Variants in COL21A1 observed in about 807,000 individuals in gnomAD.
COL21A1 encodes collagen alpha-1(XXI) chain.
A neutral mutation model predicts 137.9 loss-of-function variants in COL21A1; 149 were observed. The observed-to-expected ratio is 1.08, with a 90% CI of 0.95 to 1.24. The LOEUF (loss-of-function observed/expected upper bound fraction) is 1.24. Ranked by LOEUF, COL21A1 falls within the 50% of genes most tolerant of loss-of-function variation. The probability of loss-of-function intolerance (pLI) is 0.00; values close to 1 mark genes in which losing one functional copy is unlikely to be tolerated. For synonymous variants in COL21A1, 456 were observed against 391.5 expected, an observed-to-expected ratio of 1.16 and a Z score of -1.95; for missense variants, 1,167 against 1,158.4, an observed-to-expected ratio of 1.01 and a Z score of -0.11.
At chr6:56,311,222 T>A (rs1161549398) in intron 1 of COL21A1, among the ~76,000 whole-genome samples, 1 of 152,220 alleles carries the variant, frequency 6.6e-6, no homozygotes, top group Admixed American at 6.5e-5. Flanking sequence ...AAACCAGAGA[T>A]TACAATTCTT....
At chr6:56,201,524 G>T (rs1162171348) in intron 1 of COL21A1, among the ~76,000 whole-genome samples, 1 of 152,056 alleles carries the variant, frequency 6.6e-6, no homozygotes, top group Admixed American at 6.6e-5. Flanking sequence ...TCTACATATG[G>T]CTAGCCAGTT....
At chr6:56,091,837 T>C (rs1768848384) in intron 17 of COL21A1, among the ~76,000 whole-genome samples, 3 of 152,160 alleles carry the variant, frequency 2.0e-5, no homozygotes, top group South Asian at 4.1e-4. Context: ...TGGTCTAACA[T>C]TGAATTCAGT....
intron 29 of COL21A1, among the ~76,000 whole-genome samples, chr6:56,058,460 A>G (rs968320493): frequency 6.6e-6 from 1 of 152,178 alleles, no homozygotes; most frequent in African/African-American, 2.4e-5. Flanking sequence ...TCAAAATAAC[A>G]AAAAATATTC....
intron 22 of COL21A1, among the ~76,000 whole-genome samples, chr6:56,068,396 T>G (rs1270119449): frequency 6.6e-6 from 1 of 151,562 alleles, no homozygotes; most frequent in Non-Finnish European, 1.5e-5. Flanking sequence ...CACACAGGCA[T>G]CAATTGTTGC....
intron 1 of COL21A1, among the ~76,000 whole-genome samples, chr6:56,273,282 GT>G (rs1345752244): frequency 6.6e-6 from 1 of 152,160 alleles, no homozygotes; most frequent in African/African-American, 2.4e-5. Context: ...TCATCGAGAA[GT>G]TAGAAACATC....
At chr6:56,320,153 T>A (rs1391195429) in intron 1 of COL21A1, among the ~76,000 whole-genome samples, 1 of 152,110 alleles carries the variant, frequency 6.6e-6, no homozygotes, top group African/African-American at 2.4e-5. Flanking sequence ...TATATTACAA[T>A]AAATAGCAAC....
At chr6:56,310,536 TCA>T (rs1460527926) in intron 1 of COL21A1, among the ~76,000 whole-genome samples, 1 of 152,134 alleles carries the variant, frequency 6.6e-6, no homozygotes, top group East Asian at 1.9e-4. Flanking sequence ...AAAAATAAAT[TCA>T]CCACTCCTGA....
At chr6:56,194,165 A>G (rs1362183844) in intron 1 of COL21A1, among the ~76,000 whole-genome samples, 1 of 152,226 alleles carries the variant, frequency 6.6e-6, no homozygotes, top group African/African-American at 2.4e-5. Flanking sequence ...TACCAAAAAT[A>G]TCTCAGTATT....
At chr6:56,359,539 C>T (rs751043270) in intron 1 of COL21A1, among the ~76,000 whole-genome samples, 2 of 152,184 alleles carry the variant, frequency 1.3e-5, no homozygotes, top group Admixed American at 6.5e-5. Context: ...TTCGTTATTA[C>T]ATTAATAAAG....
At chr6:56,172,256 A>T (rs1777126562) in intron 3 of COL21A1, among the ~76,000 whole-genome samples, 1 of 152,136 alleles carries the variant, frequency 6.6e-6, no homozygotes, top group Admixed American at 6.5e-5. Flanking sequence ...TTAAAGGCAA[A>T]GATCACATTT....
intron 6 of COL21A1, 105 bp downstream of exon 6, chr6:56,168,018 GA>G (rs1776724486): frequency 1.0e-5 from 8 of 766,104 alleles, no homozygotes; most frequent in Non-Finnish European, 1.2e-5. Context: ...CAACTTAAGG[GA>G]ATTCATAAGT....
intron 28 of COL21A1, among the ~76,000 whole-genome samples, chr6:56,059,806 TTA>T (rs1215872793): frequency 6.6e-6 from 1 of 152,188 alleles, no homozygotes; most frequent in African/African-American, 2.4e-5. Flanking sequence ...ATTTGTAAGT[TTA>T]TGTGTTCATA....
chr6:56,242,839 T>C (rs552328748), intron 1 of COL21A1, among the ~76,000 whole-genome samples: 1 of 152,308 alleles, frequency 6.6e-6, no homozygotes, highest in Non-Finnish European at 1.5e-5. Context: ...TAAGTAAATG[T>C]CCCTGAAATT....
At chr6:56,343,953 C>CA (rs1765528960) in intron 1 of COL21A1, among the ~76,000 whole-genome samples, 1 of 151,662 alleles carries the variant, frequency 6.6e-6, no homozygotes, top group Admixed American at 6.6e-5. Flanking sequence ...CTCACACACA[C>CA]AAAAATGTAA....
chr6:56,133,092 G>T (rs1773697735), intron 12 of COL21A1, among the ~76,000 whole-genome samples: 1 of 152,214 alleles, frequency 6.6e-6, no homozygotes, highest in Admixed American at 6.5e-5. Flanking sequence ...AAGCAACTTT[G>T]GAACTGGGTA....
intron 1 of COL21A1, among the ~76,000 whole-genome samples, chr6:56,339,438 T>G (rs538865646): frequency 2.0e-5 from 3 of 152,376 alleles, no homozygotes; most frequent in African/African-American, 7.2e-5. Context: ...TTGTGGTTCT[T>G]GTTGGTATAA....
chr6:56,179,984 C>G lies in COL21A1; in HGVS notation c.234G>C (p.Val78=). The change falls in exon 3 of 30, where the codon GTG becomes GTC. Residue 78 remains valine (V), a synonymous_variant. Transcript: ENST00000244728. ...DIGPKFIQVG[V]VQYSDYPVLE... ...GCACAGGGTAGTCACTATATTGAAC[C>G]ACTCCAACTTGAATAAACTTCGGCC... is the stretch of plus-strand genomic sequence containing the variant. The G allele has an allele frequency of 1.2e-6, 2 of 1,613,812 alleles. No individual in the cohort carries two copies. The highest frequency in any genetic ancestry group is 1.7e-6 in the Non-Finnish European group (2 of 1,179,840).
chr6:56,373,246 C>G (rs2093993289), intron 1 of COL21A1, among the ~76,000 whole-genome samples: 1 of 152,158 alleles, frequency 6.6e-6, no homozygotes. Context: ...GATGCTCTGG[C>G]CACCCTAGGG....
chr6:56,062,646 A>T (rs1164870368), intron 24 of COL21A1, among the ~76,000 whole-genome samples: 2 of 152,186 alleles, frequency 1.3e-5, no homozygotes, highest in African/African-American at 2.4e-5. Context: ...CTCCTCAAAC[A>T]TGGCTATCCA....
Sources: allele counts gnomAD v4.1 joint callset (sites outside exome capture counted in the v4.1 genomes callset), GRCh38; gene constraint gnomAD v4.1.1; transcripts MANE v1.5; gene names NCBI Gene and HGNC (gene_info 2026-07-23, HGNC 2026-07-21).